Variants in CSMD1 observed in about 807,000 individuals in gnomAD.
The protein encoded by CSMD1 is CUB and Sushi multiple domains 1.
CSMD1 carries 213 observed loss-of-function variants against 417.5 expected under a neutral mutation model. That is an observed-to-expected ratio of 0.51 (90% confidence interval 0.46 to 0.57). CSMD1 has a LOEUF of 0.57. CSMD1 is among the 20% of genes least tolerant of loss of function. The pLI, the probability that CSMD1 is intolerant of heterozygous loss-of-function variation, is 0.00. For missense variants in CSMD1, 6,923 were observed against 4,529.7 expected, an observed-to-expected ratio of 1.53 and a Z score of -15.17; for synonymous variants, 2,862 against 1,736.8, an observed-to-expected ratio of 1.65 and a Z score of -16.11.
chr8:4,686,662 G>A (rs773608002), intron 1 of CSMD1, among the ~76,000 whole-genome samples: 14 of 152,196 alleles, frequency 9.2e-5, no homozygotes, highest in Non-Finnish European at 8.8e-5. Context: ...TTGACCTGTT[G>A]CTCTGGGTTT....
At chr8:4,513,763 G>T (rs979391755) in intron 2 of CSMD1, among the ~76,000 whole-genome samples, 3 of 152,114 alleles carry the variant, frequency 2.0e-5, no homozygotes, top group Non-Finnish European at 4.4e-5. Flanking sequence ...CATAAATTTC[G>T]ATGAAAATAA....
Position 4,041,749 on chromosome 8 carries a change from G to A in CSMD1, c.416-9650C>T, listed in dbSNP as rs367900306. 3.3e-5 allele frequency among the ~76,000 whole-genome samples: 5 copies of A among 152,192 alleles called. No homozygotes were observed. In the East Asian group the frequency reaches 7.7e-4, roughly 24 times the overall value. ...GAACTGTATGCCCTGTTCTCAGTCA[G>A]GTGATGATGGAACATGTTGTCTTGA... On this transcript the variant is annotated intron_variant, in intron 3 of 69. Transcript: ENST00000635120.
At chr8:4,095,937 C>T (rs1800983648) in intron 3 of CSMD1, among the ~76,000 whole-genome samples, 1 of 152,002 alleles carries the variant, frequency 6.6e-6, no homozygotes, top group Admixed American at 6.6e-5. Flanking sequence ...TGTATCATTC[C>T]TAAAAAGATT....
chr8:4,737,358 A>C (rs1406154066), intron 1 of CSMD1, among the ~76,000 whole-genome samples: 2 of 152,062 alleles, frequency 1.3e-5, no homozygotes, highest in South Asian at 4.2e-4. Context: ...TGGAGGAGAG[A>C]GAGAGTCAGA....
chr8:3,816,609 A>G (rs966643960), intron 5 of CSMD1, among the ~76,000 whole-genome samples: 2 of 152,200 alleles, frequency 1.3e-5, no homozygotes, highest in Non-Finnish European at 2.9e-5. Context: ...GTTCACAATA[A>G]TGTACCAAAC....
chr8:3,592,232 T>A (rs2469363), intron 8 of CSMD1, among the ~76,000 whole-genome samples: 114,451 of 151,918 alleles, frequency 0.75, 43,516 homozygotes, highest in African/African-American at 0.84. Context: ...GATAGATACA[T>A]AGATGGATAG....
intron 5 of CSMD1, among the ~76,000 whole-genome samples, chr8:3,807,088 G>A (rs971800110): frequency 3.9e-5 from 6 of 152,034 alleles, no homozygotes; most frequent in African/African-American, 7.2e-5. Context: ...CTTCCCCCAC[G>A]CACTGGGGGA....
At chr8:3,716,291 G>A (rs967562378) in intron 6 of CSMD1, among the ~76,000 whole-genome samples, 1 of 152,166 alleles carries the variant, frequency 6.6e-6, no homozygotes, top group African/African-American at 2.4e-5. Context: ...TTCAGTGGGA[G>A]TCCACAGACT....
intron 5 of CSMD1, among the ~76,000 whole-genome samples, chr8:3,800,211 A>G (rs1489218861): frequency 1.3e-5 from 2 of 152,178 alleles, no homozygotes; most frequent in Admixed American, 6.6e-5. Context: ...AGAACTTTCA[A>G]CAAACTTATT....
At chr8:4,342,574 A>G (rs142609096) in intron 3 of CSMD1, among the ~76,000 whole-genome samples, 3,356 of 152,066 alleles carry the variant, frequency 0.022, 50 homozygotes, top group Middle Eastern at 0.034. Context: ...TCAGATGGAC[A>G]CTTCCCCATA....
rs549701375 is a variant in CSMD1 at position 4,692,587 on chromosome 8, G to A, written c.86-55029C>T. 9.1e-4 allele frequency among the ~76,000 whole-genome samples: 139 copies of A among 152,252 alleles called. 1 individual carries two copies. The highest frequency in any genetic ancestry group is 1.7e-3 in the Non-Finnish European group (118 of 68,018). ...AAGACTGTGAGCCATGGGTGAGAGC[G>A]TTTCCAAGGATTCTGCAGGCAAAGC... On this transcript the variant is annotated intron_variant, in intron 1 of 69. Coordinates refer to ENST00000635120, the MANE Select transcript of CSMD1 (RefSeq NM_033225.6).
At chr8:4,173,087 G>A (rs1253190106) in intron 3 of CSMD1, among the ~76,000 whole-genome samples, 2 of 152,056 alleles carry the variant, frequency 1.3e-5, no homozygotes, top group Non-Finnish European at 2.9e-5. Flanking sequence ...TTAATTTCAG[G>A]GAAAGGTTGT....
chr8:4,905,618 G>C (rs1329211784), intron 1 of CSMD1, among the ~76,000 whole-genome samples: 1 of 151,644 alleles, frequency 6.6e-6, no homozygotes, highest in African/African-American at 2.4e-5. Context: ...ATGAGATCGA[G>C]GCCATCCTGG....
intron 5 of CSMD1, among the ~76,000 whole-genome samples, chr8:3,822,680 C>A (rs1168568285): frequency 2.6e-5 from 4 of 152,156 alleles, no homozygotes; most frequent in Non-Finnish European, 5.9e-5. Flanking sequence ...GCTTCACAGT[C>A]ACGGCAATGA....
At position 4,738,909 on chromosome 8, in the gene CSMD1, G is replaced by C. The variant is rs1475361766; in HGVS notation, c.86-101351C>G. Among the ~76,000 whole-genome samples, 3 of 152,084 alleles carry C rather than the reference G, an allele frequency of 2.0e-5. No individual in the cohort carries two copies. In the East Asian group the frequency reaches 5.8e-4, roughly 29 times the overall value. On this transcript the variant is annotated intron_variant, in intron 1 of 69. Coordinates refer to ENST00000635120, the MANE Select transcript of CSMD1 (RefSeq NM_033225.6). ...TACTTAAAATTCTGTGTGTTTGTGT[G>C]TGTGTGTGTGTGTATGTGTTAGAAG...
intron 3 of CSMD1, among the ~76,000 whole-genome samples, chr8:4,157,275 G>C (rs1256717409): frequency 1.3e-5 from 2 of 152,202 alleles, no homozygotes; most frequent in Admixed American, 6.5e-5. Flanking sequence ...TCTGTGACTA[G>C]TTTAGTGATG....
intron 51 of CSMD1, among the ~76,000 whole-genome samples, chr8:3,026,450 C>A (rs899077828): frequency 2.0e-5 from 3 of 151,652 alleles, no homozygotes; most frequent in Non-Finnish European, 2.9e-5. Context: ...CTGGGCCTGA[C>A]TGGACCTCAG....
intron 1 of CSMD1, among the ~76,000 whole-genome samples, chr8:4,742,232 T>G (rs1020700496): frequency 1.3e-5 from 2 of 149,856 alleles, no homozygotes; most frequent in East Asian, 3.9e-4. Context: ...GGGTTTCACC[T>G]TGTTAGCCAG....
intron 57 of CSMD1, among the ~76,000 whole-genome samples, chr8:2,968,947 G>A (rs961214614): frequency 6.6e-6 from 1 of 151,922 alleles, no homozygotes; most frequent in Non-Finnish European, 1.5e-5. Flanking sequence ...AAAATATTAT[G>A]CTTATTTTAA....
Sources: allele counts gnomAD v4.1 joint callset (sites outside exome capture counted in the v4.1 genomes callset), GRCh38; gene constraint gnomAD v4.1.1; transcripts MANE v1.5; gene names NCBI Gene and HGNC (gene_info 2026-07-23, HGNC 2026-07-21).